PPARD: variants seen among roughly 807,000 people sequenced by gnomAD.
PPARD encodes peroxisome proliferator-activated receptor delta.
A neutral mutation model predicts 39.5 loss-of-function variants in PPARD; 6 were observed. The observed-to-expected ratio is 0.15, with a 90% CI of 0.08 to 0.30. PPARD has a LOEUF of 0.30. PPARD is among the 10% of genes least tolerant of loss of function. The probability of loss-of-function intolerance (pLI) is 1.00; values close to 1 mark genes in which losing one functional copy is unlikely to be tolerated. For synonymous variants in PPARD, 210 were observed against 231.3 expected (o/e 0.91, Z 0.83); for missense variants, 397 against 596.8 (o/e 0.67, Z 3.49).
intron 1 of PPARD, 67 bp from the exon 2 acceptor site, chr6:35,347,000 T>C (rs1284823051): frequency 3.1e-6 from 3 of 966,310 alleles, no homozygotes; most frequent in East Asian, 2.6e-5. Context: ...GTATAACTTA[T>C]TAGAGTTGCT....
intron 5 of PPARD, among the ~76,000 whole-genome samples, chr6:35,422,547 G>A (rs1345576948): frequency 6.6e-6 from 1 of 152,186 alleles, no homozygotes; most frequent in Non-Finnish European, 1.5e-5. Context: ...TGTCCCCTCA[G>A]TACCTCTCTG....
intron 2 of PPARD, 104 bp downstream of exon 2, chr6:35,347,254 C>A: frequency 1.5e-6 from 2 of 1,369,982 alleles, no homozygotes; most frequent in Admixed American, 2.0e-5. Context: ...AGGGCTTATT[C>A]CCAGATTCCA....
At chr6:35,374,319 G>A (rs947424194) in intron 2 of PPARD, among the ~76,000 whole-genome samples, 1 of 149,510 alleles carries the variant, frequency 6.7e-6, no homozygotes, top group Non-Finnish European at 1.5e-5. Context: ...GGGGCGGGGG[G>A]GTTTAGTGGG....
intron 2 of PPARD, among the ~76,000 whole-genome samples, chr6:35,364,960 C>T (rs561680370): frequency 1.4e-4 from 21 of 151,724 alleles, no homozygotes; most frequent in African/African-American, 4.3e-4. Context: ...CCACCCGCCT[C>T]GGCCTCCCAA....
intron 2 of PPARD, among the ~76,000 whole-genome samples, chr6:35,386,007 A>T (rs1763632140): frequency 6.6e-6 from 1 of 152,112 alleles, no homozygotes; most frequent in African/African-American, 2.4e-5. Context: ...GGCGATCCTT[A>T]TGAGGTTGGA....
intron 1 of PPARD, 78 bp from the exon 2 acceptor site, chr6:35,346,989 G>GTCGCC: frequency 4.8e-6 from 4 of 827,412 alleles, no homozygotes; most frequent in Admixed American, 5.0e-5. Context: ...AGTTACGGTG[G>GTCGCC]GTATAACTTA....
At chr6:35,394,426 A>C (rs1426297440) in intron 2 of PPARD, among the ~76,000 whole-genome samples, 3 of 152,134 alleles carry the variant, frequency 2.0e-5, no homozygotes, top group Admixed American at 6.5e-5. Flanking sequence ...CCTTTTTTTA[A>C]AAAACTTGCT....
chr6:35,376,015 A>T (rs1307502585), intron 2 of PPARD, among the ~76,000 whole-genome samples: 1 of 152,194 alleles, frequency 6.6e-6, no homozygotes, highest in Non-Finnish European at 1.5e-5. Context: ...TTTGTTTGGA[A>T]TCATTTGAAA....
intron 2 of PPARD, among the ~76,000 whole-genome samples, chr6:35,376,879 G>A (rs1762842653): frequency 1.3e-5 from 2 of 152,052 alleles, no homozygotes; most frequent in South Asian, 4.2e-4. Flanking sequence ...AATTAGCCGG[G>A]TGAGGTGGTG....
chr6:35,426,132 C>A lies in PPARD; in HGVS notation c.*53C>A. 1 of 1,578,258 alleles carries A rather than the reference C, an allele frequency of 6.3e-7. No individual in the cohort carries two copies. Reference sequence around the variant, plus strand: ...TCCAATGGGGCCAGCACTGGAGGGGCCCACCCACATGACTTTTCCATTGAC... The same window carrying A: ...TCCAATGGGGCCAGCACTGGAGGGGACCACCCACATGACTTTTCCATTGAC... On this transcript the variant is annotated 3_prime_UTR_variant, in exon 8 of 8. Transcript: ENST00000360694.
chr6:35,359,380 C>G (rs1761803916), intron 2 of PPARD, among the ~76,000 whole-genome samples: 1 of 152,170 alleles, frequency 6.6e-6, no homozygotes, highest in African/African-American at 2.4e-5. Context: ...AGCAGGCAAA[C>G]ATAGTCACTT....
chr6:35,370,556 C>G (rs1284738207), intron 2 of PPARD, among the ~76,000 whole-genome samples: 1 of 152,236 alleles, frequency 6.6e-6, no homozygotes, highest in Non-Finnish European at 1.5e-5. Context: ...TGGGCACCCA[C>G]ATGGCTGGTA....
chr6:35,414,138 G>A (rs1323205625), intron 3 of PPARD, among the ~76,000 whole-genome samples: 4 of 152,188 alleles, frequency 2.6e-5, no homozygotes, highest in African/African-American at 9.7e-5. Flanking sequence ...AACTGGTTAT[G>A]TAAACTGTGG....
chr6:35,382,162 G>A lies in PPARD; in HGVS notation c.-101-28825G>A, dbSNP rs11754907. Among the ~76,000 whole-genome samples the A allele has an allele frequency of 8.5e-5, 13 of 152,336 alleles. No individual in the cohort carries two copies. In the East Asian group the frequency reaches 2.5e-3, roughly 29 times the overall value. ...TTAGGAAACAGAAACAGTTGGCCTAGTGGGAAGCTCTGGGATGGGAGCCAT... is the reference window on the plus strand; with the variant it reads ...TTAGGAAACAGAAACAGTTGGCCTAATGGGAAGCTCTGGGATGGGAGCCAT... On this transcript the variant is annotated intron_variant, in intron 2 of 7. Transcript: ENST00000360694.
rs184115643 is a variant in PPARD at position 35,406,081 on chromosome 6, G to A, written c.-101-4906G>A. 4.2e-4 allele frequency among the ~76,000 whole-genome samples: 64 copies of A among 151,814 alleles called. 1 individual carries two copies. In the East Asian group the frequency reaches 7.2e-3, roughly 17 times the overall value. On this transcript the variant is annotated intron_variant, in intron 2 of 7. Coordinates refer to ENST00000360694, the MANE Select transcript of PPARD (RefSeq NM_006238.5). ...GCTGGGATTACAAATGTGCACCACC[G>A]CACCTATCTGATTTTTGTGTTTTTA...
In PPARD at chr6:35,397,557, G is replaced by A. The variant is rs17847865; in HGVS notation, c.-101-13430G>A. 22 of 985,380 alleles carry A rather than the reference G, an allele frequency of 2.2e-5. No homozygotes were observed. In the East Asian group the frequency reaches 1.9e-3, roughly 87 times the overall value. The allele number at this position is 985,380 out of a possible 1,614,324, so 61.0% of individuals were successfully genotyped here. On this transcript the variant is annotated intron_variant, in intron 2 of 7. Coordinates refer to ENST00000360694, the MANE Select transcript of PPARD (RefSeq NM_006238.5). ...GGTCAGATACCCCTGGAAAACTGAA[G>A]CCCGTGGAGCAGTGATCTCTACAGG...
intron 3 of PPARD, among the ~76,000 whole-genome samples, chr6:35,413,517 A>G (rs2150792418): frequency 6.6e-6 from 1 of 152,284 alleles, no homozygotes; most frequent in Non-Finnish European, 1.5e-5. Flanking sequence ...ACAGTAAGAC[A>G]AATACGAATG....
At chr6:35,381,846 A>C (rs1763172377) in intron 2 of PPARD, among the ~76,000 whole-genome samples, 1 of 152,208 alleles carries the variant, frequency 6.6e-6, no homozygotes, top group Admixed American at 6.5e-5. Flanking sequence ...TAGCACCTAC[A>C]ATCTACTAGT....
chr6:35,345,874 GTTTTTTTTTTT>G (rs947186291), intron 1 of PPARD, among the ~76,000 whole-genome samples: 1 of 114,612 alleles, frequency 8.7e-6, no homozygotes, highest in Non-Finnish European at 1.8e-5. Flanking sequence ...CTTTTTTTTC[GTTTTTTTTTTT>G]TTTTTTTTTG....
Sources: gnomAD v4.1 joint callset for allele counts (sites outside exome capture counted in the v4.1 genomes callset) on GRCh38, gnomAD v4.1.1 for gene constraint, MANE v1.5 for transcripts, NCBI Gene and HGNC (gene_info 2026-07-23, HGNC 2026-07-21) for gene names.